ABHD2: variants seen among roughly 807,000 people sequenced by gnomAD.
ABHD2 encodes the protein abhydrolase domain containing 2, acylglycerol lipase.
A neutral mutation model predicts 48.1 loss-of-function variants in ABHD2; 20 were observed. The observed-to-expected ratio is 0.42, with a 90% CI of 0.29 to 0.60. The LOEUF (loss-of-function observed/expected upper bound fraction) is 0.60, where lower values mean the gene tolerates loss of function less well. ABHD2 is among the 20% of genes least tolerant of loss of function. The probability of loss-of-function intolerance (pLI) is 0.24; values close to 1 mark genes in which losing one functional copy is unlikely to be tolerated. For missense variants in ABHD2, 405 were observed against 550.9 expected, an observed-to-expected ratio of 0.74 and a Z score of 2.65; for synonymous variants, 209 against 214.2, an observed-to-expected ratio of 0.98 and a Z score of 0.21.
At chr15:89,069,594 T>A in the ABHD2 span, among the ~76,000 whole-genome samples, 2 of 151,922 alleles carry the variant, frequency 1.3e-5, no homozygotes, top group Non-Finnish European at 2.9e-5. Flanking sequence ...AAATAATATA[T>A]TGTTTAGTTT....
Position 89,166,290 on chromosome 15 carries a change from G to T in ABHD2, c.539-9522G>T, listed in dbSNP as rs1182089115. Among the ~76,000 whole-genome samples, 2 of 152,124 alleles carry T rather than the reference G, an allele frequency of 1.3e-5. No homozygotes were observed. The highest frequency in any genetic ancestry group is 4.8e-5 in the African/African-American group (2 of 41,416). ...AGCTGGGGCATTTGGCATTGAAAAT[G>T]GCCTCGAATATTTAAATTGCTTTTT... On this transcript the variant is annotated intron_variant, in intron 5 of 10. Transcript: ENST00000352732. This position sits in a 1 kb window ranked among gnomAD's most constrained non-coding sequence, Gnocchi z 4.6.
chr15:89,107,582 G>A (rs2049806538), intron 1 of ABHD2, among the ~76,000 whole-genome samples: 1 of 152,148 alleles, frequency 6.6e-6, no homozygotes, highest in South Asian at 2.1e-4. Flanking sequence ...TTGTATGCCG[G>A]CATTGTTTTA....
rs145443146 is a variant in ABHD2 at position 89,127,722 on chromosome 15, C to CACACATAT, written c.194+11202_194+11203insCACATATA. Among the ~76,000 whole-genome samples, 63 of 133,120 alleles carry CACACATAT rather than the reference C, an allele frequency of 4.7e-4. 2 individuals carry two copies. The highest frequency in any genetic ancestry group is 1.9e-3 in the African/African-American group (59 of 30,762). The allele number at this position is 133,120 out of a possible 152,430, so 87.3% of individuals were successfully genotyped here. On this transcript the variant is annotated intron_variant, in intron 3 of 10. Coordinates refer to ENST00000352732, the MANE Select transcript of ABHD2 (RefSeq NM_152924.5). ...ATATATATACATATATATATATACACATATATATATATATATATGTATATT... is the reference window on the plus strand; with the variant it reads ...ATATATATACATATATATATATACACACACATATATATATATATATATATATGTATATT...
the ABHD2 span, among the ~76,000 whole-genome samples, chr15:89,080,273 C>T: frequency 2.0e-5 from 3 of 152,166 alleles, no homozygotes; most frequent in Admixed American, 6.5e-5. Flanking sequence ...GATACAGAGA[C>T]CTCTGAAGTT....
At chr15:89,066,235 C>CA in the ABHD2 span, among the ~76,000 whole-genome samples, 1 of 152,150 alleles carries the variant, frequency 6.6e-6, no homozygotes, top group Non-Finnish European at 1.5e-5. Context: ...GCTAGAAGTT[C>CA]AAAATCATGG....
chr15:89,196,815 C>G lies in ABHD2; in HGVS notation c.*1392C>G, dbSNP rs1792866619. ...TTGGATAGGTGTTTCCAAAGTGTGT[C>G]TTCTCAAGTGAAAACGCAACTCTAG... is the stretch of plus-strand genomic sequence containing the variant. On this transcript the variant is annotated 3_prime_UTR_variant, in exon 11 of 11. Coordinates refer to ENST00000352732, the MANE Select transcript of ABHD2 (RefSeq NM_152924.5). 1 of 152,586 alleles carries G rather than the reference C, an allele frequency of 6.6e-6. No homozygotes were observed. The highest frequency in any genetic ancestry group is 2.1e-4 in the South Asian group (1 of 4,826). The allele number at this position is 152,586 out of a possible 1,614,324, so 9.5% of individuals were successfully genotyped here. A position where few individuals can be genotyped will look rare whatever the true frequency, so the allele number is the denominator to read the frequency against.
chr15:89,146,967 A>G lies in ABHD2; in HGVS notation c.195-4710A>G, dbSNP rs2150878166. The stretch of plus-strand genomic sequence containing the variant: ...GAAAATAAAATGCTGAAATCTGCCA[A>G]GAAAATTTTGAAAAATAACAAAGGC... On this transcript the variant is annotated intron_variant, in intron 3 of 10. Transcript: ENST00000352732. The surrounding 1 kb of genome is among the most constrained non-coding windows in gnomAD (Gnocchi z 4.2). Among the ~76,000 whole-genome samples the G allele has an allele frequency of 6.6e-6, 1 of 152,358 alleles. No homozygotes were observed. The highest frequency in any genetic ancestry group is 2.4e-5 in the African/African-American group (1 of 41,584).
At chr15:89,085,966 T>A (rs1052335185), upstream of ABHD2, among the ~76,000 whole-genome samples, 1 of 148,968 alleles carries the variant, frequency 6.7e-6, no homozygotes, top group African/African-American at 2.6e-5. The surrounding 1 kb of genome is among the most constrained non-coding windows in gnomAD (Gnocchi z 4.2). Context: ...ACCAGAAAAC[T>A]GTGGATCAGA....
chr15:89,155,738 A>C lies in ABHD2; in HGVS notation c.538+204A>C, dbSNP rs2050662830. Among the ~76,000 whole-genome samples, 1 of 152,034 alleles carries C rather than the reference A, an allele frequency of 6.6e-6. No individual in the cohort carries two copies. The highest frequency in any genetic ancestry group is 1.5e-5 in the Non-Finnish European group (1 of 68,018). ...AGCCTTTGAGATGGGCACTATAACC[A>C]CCCTCACAGAGGCAGAAACTGAAGC... is the stretch of plus-strand genomic sequence containing the variant. On this transcript the variant is annotated intron_variant, in intron 5 of 10. Transcript: ENST00000352732. This position sits in a 1 kb window ranked among gnomAD's most constrained non-coding sequence, Gnocchi z 4.9.
intron 1 of ABHD2, among the ~76,000 whole-genome samples, chr15:89,113,482 G>A (rs954343049): frequency 2.6e-5 from 4 of 152,186 alleles, no homozygotes; most frequent in Non-Finnish European, 5.9e-5. Context: ...GCCAGAATTA[G>A]GAACACAGCA....
chr15:89,071,879 T>C, the ABHD2 span, among the ~76,000 whole-genome samples: 1 of 152,236 alleles, frequency 6.6e-6, no homozygotes, highest in South Asian at 2.1e-4. Context: ...TATGACTTTT[T>C]TGGCCAATGG....
the ABHD2 span, among the ~76,000 whole-genome samples, chr15:89,077,024 A>G: frequency 6.6e-6 from 1 of 152,104 alleles, no homozygotes; most frequent in Admixed American, 6.5e-5. Context: ...TGTTACCTAC[A>G]CACAGAAAAG....
intron 5 of ABHD2, among the ~76,000 whole-genome samples, chr15:89,159,205 T>C: frequency 6.6e-6 from 1 of 151,860 alleles, no homozygotes; most frequent in African/African-American, 2.4e-5. Flanking sequence ...GGTGAAACCC[T>C]GTGTCTACTA....
At chr15:89,113,987 T>A (rs2049915994) in intron 2 of ABHD2, among the ~76,000 whole-genome samples, 163 bp downstream of exon 2, 1 of 152,222 alleles carries the variant, frequency 6.6e-6, no homozygotes, top group Non-Finnish European at 1.5e-5. Context: ...CTGTTCTGTT[T>A]CCAACAAAGG....
chr15:89,089,020 C>T lies in ABHD2; in HGVS notation c.-107+457C>T, dbSNP rs868232632. The stretch of plus-strand genomic sequence containing the variant: ...CGGGGCTCCAGGGGCTCACGCAGGA[C>T]CAGTGGGTTTAAGTTCTAGAAAGGC... On this transcript the variant is annotated intron_variant, in intron 1 of 10. Coordinates refer to ENST00000352732, the MANE Select transcript of ABHD2 (RefSeq NM_152924.5). 3.3e-5 allele frequency among the ~76,000 whole-genome samples: 5 copies of T among 152,230 alleles called. No homozygotes were observed. In the South Asian group the frequency reaches 1.0e-3, roughly 32 times the overall value.
intron 3 of ABHD2, among the ~76,000 whole-genome samples, chr15:89,134,546 C>T (rs1443966083): frequency 6.6e-6 from 1 of 152,168 alleles, no homozygotes. Flanking sequence ...TTGCTGTGGG[C>T]AGTGGGGCGA....
chr15:89,047,852 A>G, the ABHD2 span, among the ~76,000 whole-genome samples: 3 of 146,002 alleles, frequency 2.1e-5, no homozygotes, highest in Admixed American at 6.9e-5. Context: ...TCTTTATCCA[A>G]TTTGCCAGTC....
At chr15:89,046,692 G>A in the ABHD2 span, among the ~76,000 whole-genome samples, 1 of 152,202 alleles carries the variant, frequency 6.6e-6, no homozygotes, top group East Asian at 1.9e-4. Context: ...GCGTAGAGGT[G>A]TTTGTAGTAT....
In ABHD2 at chr15:89,120,291, T is replaced by C. The variant is rs1215042126; in HGVS notation, c.194+3770T>C. Among the ~76,000 whole-genome samples the C allele has an allele frequency of 6.6e-6, 1 of 152,210 alleles. No individual in the cohort carries two copies. The highest frequency in any genetic ancestry group is 6.5e-5 in the Admixed American group (1 of 15,282). On this transcript the variant is annotated intron_variant, in intron 3 of 10. Transcript: ENST00000352732. This position sits in a 1 kb window ranked among gnomAD's most constrained non-coding sequence, Gnocchi z 4.2. ...TCTTAGAAACAGATCAATATTTACC[T>C]AGTGATTCATTTTTTGTTCTCATGA...
Sources: gnomAD v4.1 joint callset for allele counts (sites outside exome capture counted in the v4.1 genomes callset) on GRCh38, gnomAD v4.1.1 for gene constraint, Gnocchi (gnomAD v3.1) non-coding constraint, MANE v1.5 for transcripts, NCBI Gene and HGNC (gene_info 2026-07-23, HGNC 2026-07-21) for gene names.